The following DOP1B variants were observed in gnomAD, a reference collection of about 807,000 sequenced individuals.
DOP1B encodes protein DOP1B.
Under a neutral mutation model 233.5 loss-of-function variants are expected in DOP1B, and 174 were observed. The ratio of observed to expected loss-of-function variants is 0.75; its 90% CI spans 0.66 to 0.85. The LOEUF (loss-of-function observed/expected upper bound fraction) is 0.85. Ranked by LOEUF, DOP1B falls within the 40% of genes least tolerant of loss-of-function variation. DOP1B has a pLI of 0.00. For missense variants in DOP1B, 2,652 were observed against 2,846.6 expected, an observed-to-expected ratio of 0.93 and a Z score of 1.56; for synonymous variants, 1,190 against 1,185.6, an observed-to-expected ratio of 1.00 and a Z score of -0.08.
chr21:36,262,654 G>A (rs1399318796), intron 24 of DOP1B, among the ~76,000 whole-genome samples: 3 of 152,124 alleles, frequency 2.0e-5, no homozygotes, highest in South Asian at 2.1e-4. Context: ...TTGGGTGACC[G>A]AGGCAAGTGG....
chr21:36,157,391 A>T (rs931832700), intron 1 of DOP1B, among the ~76,000 whole-genome samples: 1 of 152,056 alleles, frequency 6.6e-6, no homozygotes, highest in Admixed American at 6.5e-5. Context: ...ACCTGTGAGA[A>T]CTAAGGGCTT....
intron 4 of DOP1B, among the ~76,000 whole-genome samples, chr21:36,204,391 G>A (rs1193860151): frequency 2.0e-5 from 3 of 152,132 alleles, no homozygotes; most frequent in South Asian, 2.1e-4. Context: ...TACCCACAGC[G>A]TCACCATATG....
intron 5 of DOP1B, among the ~76,000 whole-genome samples, chr21:36,209,839 G>A (rs2066472932): frequency 6.6e-6 from 1 of 152,136 alleles, no homozygotes; most frequent in African/African-American, 2.4e-5. Flanking sequence ...CCCACACTTT[G>A]ATCTTAAAGT....
chr21:36,165,777 G>T (rs1254679446), intron 2 of DOP1B, among the ~76,000 whole-genome samples: 7 of 149,378 alleles, frequency 4.7e-5, no homozygotes, highest in Non-Finnish European at 1.5e-5. Context: ...GTGCAATGGC[G>T]CAACCTTGGC....
chr21:36,177,901 A>G (rs2066050390), intron 2 of DOP1B, among the ~76,000 whole-genome samples: 1 of 152,234 alleles, frequency 6.6e-6, no homozygotes, highest in Non-Finnish European at 1.5e-5. Context: ...AACAGAAAAT[A>G]GACTAAAATA....
chr21:36,208,860 G>C lies in DOP1B; in HGVS notation c.637G>C (p.Gly213Arg), dbSNP rs753901076. Reference protein sequence around the residue: ...VVGHINRDAPGREQKYMLGTN... With the variant: ...VVGHINRDAPRREQKYMLGTN... ...GGGCCACATCAACAGGGATGCCCCCGGCCGGGAGCAGAAGTACATGCTGGG... is the reference window on the plus strand; with the variant it reads ...GGGCCACATCAACAGGGATGCCCCCCGCCGGGAGCAGAAGTACATGCTGGG... Residue 213 changes from glycine (G) to arginine (R), a missense_variant, in exon 5 of 37, where the codon GGC becomes CGC. Gly to Arg is a moderately radical substitution (Grantham distance 125). Around this residue, in one of 3 missense-constraint regions of DOP1B, gnomAD observed 2,617 missense variants for 2,794.3 expected, o/e 0.94. Transcript: ENST00000691173. 1 of 1,570,740 alleles carries C rather than the reference G, an allele frequency of 6.4e-7. No individual in the cohort carries two copies. The highest frequency in any genetic ancestry group is 1.4e-5 in the African/African-American group (1 of 73,208).
intron 10 of DOP1B, 25 bp from the exon 11 acceptor site, chr21:36,223,206 T>A (rs768834173): frequency 1.3e-6 from 2 of 1,554,260 alleles, no homozygotes; most frequent in Non-Finnish European, 1.7e-6. Context: ...ATAGACATAT[T>A]TATTCATGTC....
At chr21:36,223,913 G>C (rs1251536857) in intron 11 of DOP1B, among the ~76,000 whole-genome samples, 1 of 152,024 alleles carries the variant, frequency 6.6e-6, no homozygotes, top group Non-Finnish European at 1.5e-5. Flanking sequence ...GAGGAATAAG[G>C]TCATGTCTCA....
chr21:36,290,980 G>A (rs2067550270), intron 35 of DOP1B, among the ~76,000 whole-genome samples: 1 of 147,326 alleles, frequency 6.8e-6, no homozygotes, highest in Admixed American at 6.8e-5. Flanking sequence ...AAAAAAAAAA[G>A]AGGCCGGGCA....
chr21:36,182,695 G>A (rs115120030), intron 2 of DOP1B, among the ~76,000 whole-genome samples: 412 of 152,250 alleles, frequency 2.7e-3, no homozygotes, highest in Middle Eastern at 0.024. Context: ...CAGGTGTGAC[G>A]GTGTGTACCT....
At chr21:36,158,688 A>G (rs1282782004) in intron 1 of DOP1B, among the ~76,000 whole-genome samples, 1 of 151,894 alleles carries the variant, frequency 6.6e-6, no homozygotes, top group African/African-American at 2.4e-5. Flanking sequence ...CTGTAGTCCC[A>G]GCTACTCGGG....
chr21:36,244,371 C>A (rs948828937), intron 18 of DOP1B, among the ~76,000 whole-genome samples: 1 of 151,978 alleles, frequency 6.6e-6, no homozygotes, highest in Non-Finnish European at 1.5e-5. Flanking sequence ...CGGTGAATAT[C>A]CACATCCTTA....
chr21:36,184,849 G>A (rs1440678534), intron 2 of DOP1B, among the ~76,000 whole-genome samples: 1 of 152,242 alleles, frequency 6.6e-6, no homozygotes, highest in Non-Finnish European at 1.5e-5. Flanking sequence ...CCAATCTGCT[G>A]TAGCGCTGAG....
At chr21:36,271,499 T>G (rs999481328) in intron 27 of DOP1B, among the ~76,000 whole-genome samples, 1 of 152,028 alleles carries the variant, frequency 6.6e-6, no homozygotes, top group Non-Finnish European at 1.5e-5. Context: ...CTCAAACTCT[T>G]GACCTCAGGT....
chr21:36,250,349 A>G (rs2067018239), intron 21 of DOP1B, among the ~76,000 whole-genome samples: 1 of 152,170 alleles, frequency 6.6e-6, no homozygotes, highest in Admixed American at 6.5e-5. Context: ...ACCGGTGGAC[A>G]AGAGAGATGA....
chr21:36,172,975 C>G (rs1272829999), intron 2 of DOP1B, among the ~76,000 whole-genome samples: 1 of 152,034 alleles, frequency 6.6e-6, no homozygotes, highest in African/African-American at 2.4e-5. Context: ...AAAAAATTAG[C>G]CAGGCATCGT....
chr21:36,289,242 A>T (rs1181713666), intron 35 of DOP1B, 36 bp downstream of exon 35: 3 of 1,595,964 alleles, frequency 1.9e-6, no homozygotes, highest in Non-Finnish European at 1.7e-6. Flanking sequence ...TTTTTGAAGT[A>T]AGAGATTTTG....
rs777666777 is a variant in DOP1B, at chr21:36,281,433, C to G, written c.6032-50C>G. 5.2e-6 allele frequency: 8 copies of G among 1,526,552 alleles called. No homozygotes were observed. In the African/African-American group the frequency reaches 9.6e-5, roughly 18 times the overall value. 94.6% of individuals were successfully genotyped at this position (1,526,552 alleles called of 1,614,324 possible). ...CTAGTATGAATTTCCCATCACTTCC[C>G]TCCAATTGTGGTTTTCTCACTAAGT... On this transcript the variant is annotated intron_variant, in intron 31 of 36. Coordinates refer to ENST00000691173, the MANE Select transcript of DOP1B (RefSeq NM_001320714.2).
intron 4 of DOP1B, among the ~76,000 whole-genome samples, chr21:36,208,407 G>C (rs1368177076): frequency 1.3e-5 from 2 of 152,314 alleles, no homozygotes; most frequent in East Asian, 1.9e-4. Context: ...CTAGGCATCC[G>C]TGGCACGGCC....
Sources: allele counts gnomAD v4.1 joint callset (sites outside exome capture counted in the v4.1 genomes callset), GRCh38; gene constraint gnomAD v4.1.1; regional missense constraint gnomAD v4.1.1; transcripts MANE v1.5; gene names NCBI Gene and HGNC (gene_info 2026-07-23, HGNC 2026-07-21).